The following CHST10 variants were observed in gnomAD, a reference collection of about 807,000 sequenced individuals.
CHST10 encodes HNK-1 sulfotransferase.
CHST10 carries 24 observed loss-of-function variants against 34.7 expected under a neutral mutation model. The observed-to-expected ratio is 0.69, with a 90% CI of 0.50 to 0.97. The LOEUF (loss-of-function observed/expected upper bound fraction) is 0.97, where lower values mean the gene tolerates loss of function less well. Among genes scored for constraint, CHST10 ranks in the 50% least tolerant of loss-of-function variants. The pLI, the probability that CHST10 is intolerant of heterozygous loss-of-function variation, is 0.00. For missense variants in CHST10, 402 were observed against 452.1 expected, an observed-to-expected ratio of 0.89 and a Z score of 1.00; for synonymous variants, 161 against 169.3, an observed-to-expected ratio of 0.95 and a Z score of 0.38.
intron 3 of CHST10, among the ~76,000 whole-genome samples, chr2:100,405,421 T>C (rs1245025976): frequency 6.6e-6 from 1 of 152,128 alleles, no homozygotes; most frequent in Non-Finnish European, 1.5e-5. Context: ...TGTCCCTCTT[T>C]TCCCTGCAGA....
intron 2 of CHST10, 53 bp from the exon 3 acceptor site, chr2:100,406,760 A>G (rs1256726497): frequency 1.0e-5 from 16 of 1,574,882 alleles, no homozygotes; most frequent in Non-Finnish European, 1.2e-5. Flanking sequence ...TCAAGTCAAC[A>G]AAGAGGAATG....
intron 2 of CHST10, 56 bp from the exon 3 acceptor site, chr2:100,406,763 G>T: frequency 6.5e-7 from 1 of 1,541,102 alleles, no homozygotes; most frequent in Non-Finnish European, 8.8e-7. Flanking sequence ...AGTCAACAAA[G>T]AGGAATGAAA....
chr2:100,410,644 T>A (rs1675792869), intron 2 of CHST10, among the ~76,000 whole-genome samples: 1 of 152,130 alleles, frequency 6.6e-6, no homozygotes, highest in African/African-American at 2.4e-5. Context: ...TTCTCTAGTC[T>A]CCACAGAGCA....
At chr2:100,412,826 C>T (rs2104259173) in intron 2 of CHST10, among the ~76,000 whole-genome samples, 1 of 152,298 alleles carries the variant, frequency 6.6e-6, no homozygotes, top group Middle Eastern at 3.4e-3. Flanking sequence ...TAAGACCTTC[C>T]ATCACTGCCT....
chr2:100,398,040 T>C lies in CHST10; in HGVS notation c.295A>G (p.Asn99Asp). ...TTGGAGACAGGAGTGTGCGAGAGAT[T>C]CTTCAGGGCATCATCCCTGCAGACG... Reference protein sequence around the residue: ...RNVCRDDALKNLSHTPVSKFV... With the variant: ...RNVCRDDALKDLSHTPVSKFV... Residue 99 changes from asparagine to aspartate, a missense_variant, in exon 5 of 7, where the codon AAT (asparagine) becomes GAT (aspartate). Coordinates refer to ENST00000264249, the MANE Select transcript of CHST10 (RefSeq NM_004854.5). The C allele has an allele frequency of 6.2e-7, 1 of 1,614,130 alleles. No individual in the cohort carries two copies. Among genetic ancestry groups the C allele is most frequent in the Non-Finnish European group, 8.5e-7 (1 of 1,180,018 alleles).
intron 1 of CHST10, among the ~76,000 whole-genome samples, chr2:100,415,495 A>C (rs1188045565): frequency 6.6e-6 from 1 of 152,202 alleles, no homozygotes; most frequent in African/African-American, 2.4e-5. Flanking sequence ...TTACACCTTT[A>C]GCACCTGGAA....
In CHST10 at chr2:100,392,923, C is replaced by T. The variant is rs1370627; in HGVS notation, c.*322G>A. 15,067 of 329,262 alleles carry T rather than the reference C, an allele frequency of 0.046. 1,097 individuals are homozygous for T. Among genetic ancestry groups the T allele is most frequent in the African/African-American group, 0.17 (7,897 of 47,840 alleles). 20.4% of individuals were successfully genotyped at this position (329,262 alleles called of 1,614,324 possible). On this transcript the variant is annotated 3_prime_UTR_variant, in exon 7 of 7. Coordinates refer to ENST00000264249, the MANE Select transcript of CHST10 (RefSeq NM_004854.5). ...CCTTAACACCTGAAGGAAACGGCTC[C>T]TAACGCTGTGTGATGCTTCCTCCCT...
chr2:100,402,168 G>C (rs1482235035), intron 4 of CHST10, among the ~76,000 whole-genome samples: 1 of 152,210 alleles, frequency 6.6e-6, no homozygotes, highest in Non-Finnish European at 1.5e-5. Flanking sequence ...CAATTTGGAG[G>C]CTGAATTAGT....
rs1675590624 is a variant in CHST10, at chr2:100,406,628, G to A, written c.48C>T (p.Phe16=). The A allele has an allele frequency of 2.5e-6, 4 of 1,614,106 alleles. No individual in the cohort carries two copies. The highest frequency in any genetic ancestry group is 4.5e-5 in the East Asian group (2 of 44,898). ...LLLAACFWVI[F]MFMVASKFIT... is the part of the protein sequence containing the mutation. ...TGAACTTGCTAGCCACCATGAACAT[G>A]AAAATCACCCAAAAGCATGCGGCCA... The change falls in exon 3 of 7, where the codon TTC becomes TTT. Residue 16 remains phenylalanine, a synonymous_variant. Transcript: ENST00000264249.
chr2:100,410,580 C>T (rs545110205), intron 2 of CHST10, among the ~76,000 whole-genome samples: 14 of 152,210 alleles, frequency 9.2e-5, no homozygotes, highest in Non-Finnish European at 1.9e-4. Context: ...AACCCTCTCC[C>T]TGAGGGTCTC....
At chr2:100,402,838 A>T (rs1675405022) in intron 3 of CHST10, among the ~76,000 whole-genome samples, 183 bp from the exon 4 acceptor site, 1 of 152,234 alleles carries the variant, frequency 6.6e-6, no homozygotes, top group South Asian at 2.1e-4. Context: ...GCACCTGGAC[A>T]TTCACACACG....
At chr2:100,397,881 G>A (rs980799128) in intron 5 of CHST10, 27 bp downstream of exon 5, 5 of 1,572,410 alleles carry the variant, frequency 3.2e-6, no homozygotes, top group Middle Eastern at 3.4e-4. Flanking sequence ...ACCCTTCCCA[G>A]TGGACATTCA....
chr2:100,391,988 T>G lies in CHST10; in HGVS notation c.*1257A>C. On this transcript the variant is annotated 3_prime_UTR_variant, in exon 7 of 7. Coordinates refer to ENST00000264249, the MANE Select transcript of CHST10 (RefSeq NM_004854.5). ...CTCCACCCCGGGCTCGGCGGCACCA[T>G]GCAGGCTCAGGCTGGCACTCATCCC... 6.5e-6 allele frequency: 1 copy of G among 152,856 alleles called. No individual in the cohort carries two copies. The highest frequency in any genetic ancestry group is 1.9e-4 in the East Asian group (1 of 5,198). 9.5% of individuals were successfully genotyped at this position (152,856 alleles called of 1,614,324 possible). A position where few individuals can be genotyped will look rare whatever the true frequency, so the allele number is the denominator to read the frequency against.
intron 3 of CHST10, among the ~76,000 whole-genome samples, chr2:100,403,199 C>T (rs1300340901): frequency 6.6e-6 from 1 of 152,142 alleles, no homozygotes; most frequent in Non-Finnish European, 1.5e-5. Context: ...ATGGTCAAGG[C>T]TGCAGAGACC....
chr2:100,405,773 C>T (rs1289807716), intron 3 of CHST10, among the ~76,000 whole-genome samples: 1 of 152,216 alleles, frequency 6.6e-6, no homozygotes, highest in Non-Finnish European at 1.5e-5. Context: ...CAAATGAGGA[C>T]TTCAATGACT....
Position 100,398,055 on chromosome 2 carries a change from C to T in CHST10, c.280G>A (p.Asp94Asn), listed in dbSNP as rs1245322908. The T allele has an allele frequency of 6.2e-7, 1 of 1,614,182 alleles. No homozygotes were observed. Among genetic ancestry groups the T allele is most frequent in the South Asian group, 1.1e-5 (1 of 91,084 alleles). ...TGCGAGAGATTCTTCAGGGCATCAT[C>T]CCTGCAGACGTTTCTGATGAGTTCC... is the stretch of plus-strand genomic sequence containing the variant. Reference protein sequence around the residue: ...RLELIRNVCRDDALKNLSHTP... With the variant: ...RLELIRNVCRNDALKNLSHTP... Residue 94 changes from aspartate (D) to asparagine (N), a missense_variant, in exon 5 of 7, where the codon GAT becomes AAT. Asp to Asn is a conservative substitution (Grantham distance 23, BLOSUM62 1). Coordinates refer to ENST00000264249, the MANE Select transcript of CHST10 (RefSeq NM_004854.5).
intron 1 of CHST10, chr2:100,417,084 C>G: frequency 7.7e-7 from 1 of 1,299,904 alleles, no homozygotes; most frequent in Admixed American, 2.3e-5. Context: ...CAATTACAAA[C>G]GCAAATTCTC....
At chr2:100,398,966 C>T (rs1675204411) in intron 4 of CHST10, among the ~76,000 whole-genome samples, 1 of 152,162 alleles carries the variant, frequency 6.6e-6, no homozygotes, top group African/African-American at 2.4e-5. Flanking sequence ...CTGCTCACAC[C>T]TCCTTGTTCT....
chr2:100,411,127 T>C (rs1675817505), intron 2 of CHST10, among the ~76,000 whole-genome samples: 1 of 150,342 alleles, frequency 6.7e-6, no homozygotes, highest in Non-Finnish European at 1.5e-5. Context: ...TTTTTTTTTT[T>C]TTTTTTTGAG....
Sources: gnomAD v4.1 joint callset for allele counts (sites outside exome capture counted in the v4.1 genomes callset) on GRCh38, gnomAD v4.1.1 for gene constraint, MANE v1.5 for transcripts, NCBI Gene and HGNC (gene_info 2026-07-23, HGNC 2026-07-21) for gene names.